CSMD2: variants seen among roughly 807,000 people sequenced by gnomAD.
CSMD2 encodes CUB and sushi domain-containing protein 2.
Under a neutral mutation model 398.5 loss-of-function variants are expected in CSMD2, and 130 were observed. That is an observed-to-expected ratio of 0.33 (90% CI 0.28 to 0.38). The LOEUF is 0.38. Among genes scored for constraint, CSMD2 ranks in the 10% least tolerant of loss-of-function variants. The pLI is 1.00. For missense variants in CSMD2, 3,829 were observed against 4,764.9 expected (o/e 0.80, Z 5.78); for synonymous variants, 1,828 against 1,908.5 (o/e 0.96, Z 1.10).
chr1:33,580,711 T>C (rs577107872), intron 48 of CSMD2, 42 bp downstream of exon 48: 2 of 1,608,776 alleles, frequency 1.2e-6, no homozygotes, highest in Admixed American at 1.7e-5. Flanking sequence ...GAGGCTTCGA[T>C]GAGGAGAGGG....
At chr1:33,980,214 C>T (rs1646118529) in intron 3 of CSMD2, among the ~76,000 whole-genome samples, 1 of 152,160 alleles carries the variant, frequency 6.6e-6, no homozygotes, top group Non-Finnish European at 1.5e-5. Context: ...TCCCACCTGG[C>T]ATGGTCCTTA....
intron 5 of CSMD2, among the ~76,000 whole-genome samples, chr1:33,867,715 C>A (rs1466421362): frequency 6.6e-6 from 1 of 152,070 alleles, no homozygotes; most frequent in Non-Finnish European, 1.5e-5. Flanking sequence ...GGTGGAGGGC[C>A]ACCTCCCACC....
chr1:34,043,011 G>A lies in CSMD2; in HGVS notation c.405-10305C>T, dbSNP rs1426350569. On this transcript the variant is annotated intron_variant, in intron 2 of 70. Coordinates refer to ENST00000373381, the MANE Select transcript of CSMD2 (RefSeq NM_001281956.2). ...TGACCATGTTAGTCAGGATGGTCTCGATCTTCTGAACTCGTGATCTGCCCG... is the reference window on the plus strand; with the variant it reads ...TGACCATGTTAGTCAGGATGGTCTCAATCTTCTGAACTCGTGATCTGCCCG... Among the ~76,000 whole-genome samples, 7 of 151,886 alleles carry A rather than the reference G, an allele frequency of 4.6e-5. No homozygotes were observed. The East Asian group carries it at 1.2e-3, about 25-fold the overall frequency.
At chr1:33,902,798 G>C (rs1241928166) in intron 5 of CSMD2, among the ~76,000 whole-genome samples, 1 of 152,182 alleles carries the variant, frequency 6.6e-6, no homozygotes, top group Non-Finnish European at 1.5e-5. Context: ...CGGTCCCCAA[G>C]TTCACTCCTG....
At position 34,164,164 on chromosome 1, in the gene CSMD2, C is replaced by A. The variant is rs1025664043; in HGVS notation, c.187+747G>T. Among the ~76,000 whole-genome samples, 1 of 152,030 alleles carries A rather than the reference C, an allele frequency of 6.6e-6. No individual in the cohort carries two copies. The highest frequency in any genetic ancestry group is 1.5e-5 in the Non-Finnish European group (1 of 67,978). On this transcript the variant is annotated intron_variant, in intron 1 of 70. Transcript: ENST00000373381. The surrounding 1 kb of genome is among the most constrained non-coding windows in gnomAD (Gnocchi z 6.2). Reference sequence around the variant, plus strand: ...GAGCACCGAGGGGAATGTGGCAGCGCGAAGCCTGGCGGCGGCACTCCCTCC... The same window carrying A: ...GAGCACCGAGGGGAATGTGGCAGCGAGAAGCCTGGCGGCGGCACTCCCTCC...
intron 10 of CSMD2, among the ~76,000 whole-genome samples, chr1:33,802,510 G>A (rs1655721375): frequency 6.6e-6 from 1 of 152,128 alleles, no homozygotes; most frequent in South Asian, 2.1e-4. Context: ...TGCCCTTGGA[G>A]GGCCCCAGTC....
chr1:34,138,059 C>G (rs927037760), intron 1 of CSMD2, among the ~76,000 whole-genome samples: 1 of 152,186 alleles, frequency 6.6e-6, no homozygotes, highest in African/African-American at 2.4e-5. Context: ...GATTCTCTAA[C>G]CAAGAAAACA....
chr1:33,810,069 G>T (rs1656683481), intron 10 of CSMD2, among the ~76,000 whole-genome samples: 1 of 152,068 alleles, frequency 6.6e-6, no homozygotes, highest in Non-Finnish European at 1.5e-5. Context: ...GTATCAAAAA[G>T]ATATCAGTTC....
intron 2 of CSMD2, among the ~76,000 whole-genome samples, chr1:34,075,643 C>T (rs1474158337): frequency 6.6e-6 from 1 of 152,218 alleles, no homozygotes; most frequent in African/African-American, 2.4e-5. Flanking sequence ...CTGGTGCAGT[C>T]ATCACCAGCA....
chr1:33,908,038 A>G (rs1431234599), intron 5 of CSMD2, among the ~76,000 whole-genome samples: 1 of 139,956 alleles, frequency 7.1e-6, no homozygotes, highest in Non-Finnish European at 1.5e-5. Flanking sequence ...AGTGAGCGAG[A>G]TTGTGACATT....
At chr1:33,989,000 CTCTCTCTCTCTCCATATATATATATA>C (rs1646453855) in intron 3 of CSMD2, among the ~76,000 whole-genome samples, 1 of 120,234 alleles carries the variant, frequency 8.3e-6, no homozygotes, top group South Asian at 2.7e-4. Flanking sequence ...AGGTAAAAAT[CTCTCTCTCTCTCCATATATATATATA>C]TATATATATA....
Position 33,646,815 on chromosome 1 carries a change from T to C in CSMD2, c.4607A>G (p.Tyr1536Cys). 1.9e-6 allele frequency: 3 copies of C among 1,612,742 alleles called. No homozygotes were observed. The highest frequency in any genetic ancestry group is 2.5e-6 in the Non-Finnish European group (3 of 1,179,312). ...VFNIFNLEPG[Y>C]DFLHIYDGRD... ...TCCGTCGTAGATATGGAGGAAGTCA[T>C]AGCCAGGCTCCAGGTTAAAGCTGGG... is the stretch of plus-strand genomic sequence containing the variant. The change falls in exon 29 of 71, where the codon TAT becomes TGT. Residue 1536 changes from tyrosine (Y) to cysteine (C), a missense_variant. Coordinates refer to ENST00000373381, the MANE Select transcript of CSMD2 (RefSeq NM_001281956.2).
Position 33,724,699 on chromosome 1 carries a change from T to C in CSMD2, c.2701A>G (p.Thr901Ala). Reference protein sequence around the residue: ...IGFQLRYETITLQSDHCLDPG... With the variant: ...IGFQLRYETIALQSDHCLDPG... ...TCCAGACAGTGGTCTGACTGCAGTG[T>C]TATAGCTGAAAGAGAGAGGCCACAG... The change falls in exon 18 of 71, where the codon ACA becomes GCA. Residue 901 changes from threonine (T) to alanine (A), a missense_variant. This residue lies in a region of CSMD2 where 2,001 missense variants were observed against 2,567.1 expected (regional missense o/e 0.78). Transcript: ENST00000373381. 6.2e-7 allele frequency: 1 copy of C among 1,613,828 alleles called. No individual in the cohort carries two copies. The highest frequency in any genetic ancestry group is 8.5e-7 in the Non-Finnish European group (1 of 1,179,800).
chr1:33,650,593 G>T (rs115692781), intron 28 of CSMD2, among the ~76,000 whole-genome samples: 1,941 of 152,236 alleles, frequency 0.013, 45 homozygotes, highest in African/African-American at 0.045. Flanking sequence ...AGGTAGGCAA[G>T]CACCAGATTG....
chr1:33,900,179 C>A lies in CSMD2; in HGVS notation c.920+17915G>T, dbSNP rs182685950. 1.5e-4 allele frequency among the ~76,000 whole-genome samples: 23 copies of A among 152,314 alleles called. No homozygotes were observed. In the East Asian group the frequency reaches 4.2e-3, roughly 28 times the overall value. ...GGGGCTGTTCAAAGTCTTCTGTGCCCAATTATTTCTTATAACTGTATGAAA... is the reference window on the plus strand; with the variant it reads ...GGGGCTGTTCAAAGTCTTCTGTGCCAAATTATTTCTTATAACTGTATGAAA... On this transcript the variant is annotated intron_variant, in intron 5 of 70. Transcript: ENST00000373381.
chr1:33,975,533 T>C (rs1188319155), intron 3 of CSMD2, among the ~76,000 whole-genome samples: 1 of 123,310 alleles, frequency 8.1e-6, no homozygotes, highest in East Asian at 2.6e-4. Context: ...ATGTCCCAAG[T>C]CCACCGATTA....
At chr1:33,726,720 C>T in intron 15 of CSMD2, 35 bp from the exon 16 acceptor site, 1 of 1,589,724 alleles carries the variant, frequency 6.3e-7, no homozygotes, top group Non-Finnish European at 8.5e-7. Flanking sequence ...CAGCTTTCTT[C>T]AGGGACAAAT....
intron 44 of CSMD2, among the ~76,000 whole-genome samples, chr1:33,588,382 C>CA (rs1639222549): frequency 4.0e-5 from 3 of 74,700 alleles, no homozygotes; most frequent in Admixed American, 1.2e-4. Flanking sequence ...GCATCTTTTA[C>CA]GTTTTTTTCT....
In CSMD2 at chr1:34,164,383, G is replaced by C. The variant is rs528401941; in HGVS notation, c.187+528C>G. Among the ~76,000 whole-genome samples, 85 of 152,230 alleles carry C rather than the reference G, an allele frequency of 5.6e-4. No individual in the cohort carries two copies. Among genetic ancestry groups the C allele is most frequent in the Admixed American group, 1.8e-3 (28 of 15,300 alleles). Reference sequence around the variant, plus strand: ...GGATGGCGGCCGCAGTCTGCAGTCGGTTCCAGAGGGGGCACCGGTTTCAAT... The same window carrying C: ...GGATGGCGGCCGCAGTCTGCAGTCGCTTCCAGAGGGGGCACCGGTTTCAAT... On this transcript the variant is annotated intron_variant, in intron 1 of 70. Transcript: ENST00000373381. The surrounding 1 kb of genome is among the most constrained non-coding windows in gnomAD (Gnocchi z 6.2).
Sources: allele counts gnomAD v4.1 joint callset (sites outside exome capture counted in the v4.1 genomes callset), GRCh38; gene constraint gnomAD v4.1.1; regional missense constraint gnomAD v4.1.1; non-coding constraint Gnocchi (gnomAD v3.1); transcripts MANE v1.5; gene names NCBI Gene and HGNC (gene_info 2026-07-23, HGNC 2026-07-21).